PNPLA7: variants seen among roughly 807,000 people sequenced by gnomAD.
PNPLA7 encodes the protein patatin-like phospholipase domain-containing protein 7.
A neutral mutation model predicts 161.7 loss-of-function variants in PNPLA7; 153 were observed. The observed-to-expected ratio is 0.95, with a 90% CI of 0.83 to 1.08. The LOEUF is 1.08. Among genes scored for constraint, PNPLA7 ranks in the 50% least tolerant of loss-of-function variants. The pLI is 0.00. For missense variants in PNPLA7, 1,739 were observed against 1,856.6 expected (o/e 0.94, Z 1.16); for synonymous variants, 809 against 782.1 (o/e 1.03, Z -0.57).
chr9:137,517,071 A>C (rs1174073075), intron 11 of PNPLA7, among the ~76,000 whole-genome samples: 52 of 90,910 alleles, frequency 5.7e-4, no homozygotes, highest in African/African-American at 6.9e-4. Context: ...ACTCCATCCC[A>C]CACTCACTCA....
chr9:137,496,615 G>A (rs1276368438), intron 18 of PNPLA7, among the ~76,000 whole-genome samples: 1 of 152,144 alleles, frequency 6.6e-6, no homozygotes, highest in Non-Finnish European at 1.5e-5. Flanking sequence ...GGAGGCTGAG[G>A]CAGGAGAATC....
At chr9:137,491,442 C>G (rs1021769576) in intron 20 of PNPLA7, 2 of 977,012 alleles carry the variant, frequency 2.0e-6, no homozygotes, top group Admixed American at 6.2e-5. Context: ...CAACCGGACA[C>G]CTTCTACAAG....
At position 137,497,309 on chromosome 9, in the gene PNPLA7, G is replaced by A. The variant is rs1833115832; in HGVS notation, c.1891C>T (p.Gln631Ter). Residue 631 changes from glutamine (Q) to a stop codon, truncating the protein, a stop_gained and splice_region_variant, in exon 18 of 35, where the codon CAG becomes TAG. Transcript: ENST00000406427. LOFTEE classifies it high-confidence loss of function. ...EVEAGRAIYRQGDKSDCTYIM... is the reference protein window; with the variant it reads ...EVEAGRAIYR ...TACGTGCAGTCGGACTTGTCCCCCT[G>A]CCTGCGGAAGACACAGAGGCCCTGC... 1 of 1,563,928 alleles carries A rather than the reference G, an allele frequency of 6.4e-7. No individual in the cohort carries two copies. Among genetic ancestry groups the A allele is most frequent in the Non-Finnish European group, 8.7e-7 (1 of 1,155,074 alleles).
At chr9:137,479,878 G>A (rs1312919395) in intron 23 of PNPLA7, 21 of 985,334 alleles carry the variant, frequency 2.1e-5, no homozygotes, top group African/African-American at 3.5e-5. Flanking sequence ...GGCTGAGGAT[G>A]CAGAGGCAGA....
Position 137,500,915 on chromosome 9 carries a change from C to T in PNPLA7, c.1552-19G>A, listed in dbSNP as rs371094621. On this transcript the variant is annotated intron_variant, in intron 15 of 34. Transcript: ENST00000406427. This position sits in a 1 kb window ranked among gnomAD's most constrained non-coding sequence, Gnocchi z 5.5. The stretch of plus-strand genomic sequence containing the variant: ...TGGCGTCCTGACACACGAGAGGGCT[C>T]AGGAGGCGCCGCGAGTGGCCGCGGG... The T allele has an allele frequency of 5.8e-6, 9 of 1,546,820 alleles. No individual in the cohort carries two copies. Among genetic ancestry groups the T allele is most frequent in the African/African-American group, 2.7e-5 (2 of 73,776 alleles).
At chr9:137,508,301 C>G (rs1834025332) in intron 12 of PNPLA7, among the ~76,000 whole-genome samples, 1 of 152,222 alleles carries the variant, frequency 6.6e-6, no homozygotes, top group Admixed American at 6.5e-5. Flanking sequence ...GGCGCGGCAG[C>G]TCACGCCTGG....
intron 24 of PNPLA7, 53 bp downstream of exon 24, chr9:137,479,003 C>T (rs1243268404): frequency 1.1e-5 from 16 of 1,484,290 alleles, no homozygotes; most frequent in South Asian, 2.6e-5. Flanking sequence ...TTCGAACGTT[C>T]GAGGAAATGA....
intron 14 of PNPLA7, among the ~76,000 whole-genome samples, chr9:137,503,863 AGG>A (rs1833709205): frequency 1.5e-5 from 1 of 68,930 alleles, no homozygotes; most frequent in Non-Finnish European, 3.1e-5. Context: ...AAGAAGAAGG[AGG>A]AGGAAGGAAG....
intron 8 of PNPLA7, among the ~76,000 whole-genome samples, chr9:137,534,021 A>G (rs1010201903): frequency 6.7e-6 from 1 of 148,306 alleles, no homozygotes; most frequent in Admixed American, 6.7e-5. Context: ...CCTCCACAAC[A>G]GTGTCTACTC....
intron 29 of PNPLA7, 180 bp from the exon 30 acceptor site, chr9:137,463,013 G>T: frequency 1.2e-6 from 1 of 861,560 alleles, no homozygotes; most frequent in Non-Finnish European, 1.8e-6. Flanking sequence ...GCACACGGCT[G>T]TGTCCTGGGC....
At chr9:137,502,801 C>A (rs1032920137) in intron 14 of PNPLA7, among the ~76,000 whole-genome samples, 1 of 92,026 alleles carries the variant, frequency 1.1e-5, no homozygotes, top group Non-Finnish European at 2.1e-5. Flanking sequence ...GGGCACTGAA[C>A]GCACGGCTGA....
Position 137,464,377 on chromosome 9 carries a change from C to G in PNPLA7, c.3119G>C (p.Ser1040Thr). The change falls in exon 27 of 35, where the codon AGC (serine) becomes ACC (threonine). Residue 1040 changes from serine (S) to threonine (T), a missense_variant. Ser to Thr is a moderately conservative substitution (Grantham distance 58, BLOSUM62 1). This residue lies in a region of PNPLA7 where 703 missense variants were observed against 694.6 expected (regional missense o/e 1.01). Transcript: ENST00000406427. Reference sequence around the variant, plus strand: ...GTCCTTGAAGACGCTGAAGATGCTGCTGTTGAAGCCGGCTCCGGAGAACAT... The same window carrying G: ...GTCCTTGAAGACGCTGAAGATGCTGGTGTTGAAGCCGGCTCCGGAGAACAT... ...TSMFSGAGFN[S>T]SIFSVFKDQQ... 6.2e-7 allele frequency: 1 copy of G among 1,613,960 alleles called. No homozygotes were observed. The highest frequency in any genetic ancestry group is 8.5e-7 in the Non-Finnish European group (1 of 1,179,998).
chr9:137,502,910 A>G (rs893955854), intron 14 of PNPLA7, among the ~76,000 whole-genome samples: 1 of 151,774 alleles, frequency 6.6e-6, no homozygotes, highest in African/African-American at 2.4e-5. Flanking sequence ...GTGACGTGCT[A>G]TGATGATGGG....
In PNPLA7 at chr9:137,486,760, C is replaced by T. The variant is rs1316021043; in HGVS notation, c.2198-2024G>A. Among the ~76,000 whole-genome samples the T allele has an allele frequency of 2.0e-5, 3 of 152,098 alleles. No homozygotes were observed. Among genetic ancestry groups the T allele is most frequent in the Admixed American group, 1.3e-4 (2 of 15,270 alleles). On this transcript the variant is annotated intron_variant, in intron 20 of 34. Coordinates refer to ENST00000406427, the MANE Select transcript of PNPLA7 (RefSeq NM_001098537.3). This position sits in a 1 kb window ranked among gnomAD's most constrained non-coding sequence, Gnocchi z 6.0. ...GAGAGGACGCTCTGTGCACAGTGGC[C>T]GGAGCTGGCCTTCGACGCCCAAGTC...
chr9:137,469,353 TCAGAGCCA>T (rs1388510098), intron 25 of PNPLA7, among the ~76,000 whole-genome samples: 1 of 152,180 alleles, frequency 6.6e-6, no homozygotes, highest in African/African-American at 2.4e-5. Context: ...GTATGTGTGA[TCAGAGCCA>T]CAGAAAGCAG....
At chr9:137,509,174 T>C (rs182252055) in intron 12 of PNPLA7, 1 of 154,966 alleles carries the variant, frequency 6.5e-6, no homozygotes, top group East Asian at 1.9e-4. Flanking sequence ...ATGAGTGAGT[T>C]AGCTGGCATG....
At position 137,547,447 on chromosome 9, in the gene PNPLA7, C is replaced by G; in HGVS notation, c.106-51G>C. 6.2e-7 allele frequency: 1 copy of G among 1,607,286 alleles called. No individual in the cohort carries two copies. Among genetic ancestry groups the G allele is most frequent in the Non-Finnish European group, 8.5e-7 (1 of 1,174,724 alleles). ...CCATCAGCAAAGCCACAAACCTAAC[C>G]CTAGCCCTAAGCCTGCCCCCACCCC... On this transcript the variant is annotated intron_variant, in intron 2 of 34. Transcript: ENST00000406427. This position sits in a 1 kb window ranked among gnomAD's most constrained non-coding sequence, Gnocchi z 4.6.
At chr9:137,513,606 C>G (rs1324986096) in intron 12 of PNPLA7, among the ~76,000 whole-genome samples, 2 of 152,100 alleles carry the variant, frequency 1.3e-5, no homozygotes. Context: ...AAAAAGCTGG[C>G]TTTCCACAAA....
At position 137,547,350 on chromosome 9, in the gene PNPLA7, C is replaced by G. The variant is rs754979684; in HGVS notation, c.152G>C (p.Gly51Ala). ...VGALLALALV[G>A]VLILFMFRRL... is the part of the protein sequence containing the mutation. ...TCTGAACATGAAAAGGATGAGGACA[C>G]CAACCAAGGCCAGGGCCAGGAGGGC... The change falls in exon 3 of 35, where the codon GGT becomes GCT. Residue 51 changes from glycine (G) to alanine (A), a missense_variant. Transcript: ENST00000406427. The surrounding 1 kb of genome is among the most constrained non-coding windows in gnomAD (Gnocchi z 4.6). The G allele has an allele frequency of 2.5e-6, 4 of 1,613,604 alleles. No homozygotes were observed. The South Asian group carries it at 4.4e-5, about 18-fold the overall frequency.
Sources: allele counts gnomAD v4.1 joint callset (sites outside exome capture counted in the v4.1 genomes callset), GRCh38; gene constraint gnomAD v4.1.1; regional missense constraint gnomAD v4.1.1; non-coding constraint Gnocchi (gnomAD v3.1); transcripts MANE v1.5; gene names NCBI Gene and HGNC (gene_info 2026-07-23, HGNC 2026-07-21).